Variants in BBS7 observed in about 807,000 individuals in gnomAD.
BBS7 encodes BBSome complex member BBS7.
In BBS7, 50 loss-of-function variants were observed where a neutral mutation model predicts 90.3. That is an observed-to-expected ratio of 0.55 (90% CI 0.44 to 0.70). BBS7 has a LOEUF of 0.70. Among genes scored for constraint, BBS7 ranks in the 30% least tolerant of loss-of-function variants. BBS7 has a pLI of 0.00. For synonymous variants in BBS7, 235 were observed against 287.4 expected, an observed-to-expected ratio of 0.82 and a Z score of 1.85; for missense variants, 729 against 838.9, an observed-to-expected ratio of 0.87 and a Z score of 1.62.
intron 1 of BBS7, among the ~76,000 whole-genome samples, chr4:121,868,914 T>C (rs1727437184): frequency 6.6e-6 from 1 of 152,060 alleles, no homozygotes; most frequent in Non-Finnish European, 1.5e-5. Flanking sequence ...GTTCATATAG[T>C]ATAAATGACT....
At chr4:121,852,721 TATA>T (rs758212458) in intron 8 of BBS7, among the ~76,000 whole-genome samples, 7 of 152,104 alleles carry the variant, frequency 4.6e-5, no homozygotes, top group African/African-American at 7.2e-5. Flanking sequence ...TTTAGAGACT[TATA>T]ATAATATTTT....
At chr4:121,847,953 CA>C (rs34425747) in intron 9 of BBS7, among the ~76,000 whole-genome samples, 5 of 148,962 alleles carry the variant, frequency 3.4e-5, no homozygotes, top group East Asian at 3.9e-4. Context: ...GACCCTGTCT[CA>C]AAAAAAAAGT....
intron 3 of BBS7, 39 bp downstream of exon 3, chr4:121,863,178 T>G (rs1560667793): frequency 6.3e-7 from 1 of 1,596,590 alleles, no homozygotes; most frequent in Non-Finnish European, 8.6e-7. Flanking sequence ...GCATTCTCTT[T>G]TAGAAAACCA....
intron 12 of BBS7, among the ~76,000 whole-genome samples, chr4:121,840,745 A>T (rs1725694517): frequency 6.6e-6 from 1 of 152,230 alleles, no homozygotes; most frequent in African/African-American, 2.4e-5. Context: ...AAGAAATAAA[A>T]AGGATGGTAA....
Position 121,870,397 on chromosome 4 carries a change from A to G in BBS7, c.-84T>C. The G allele has an allele frequency of 1.3e-6, 2 of 1,528,614 alleles. No homozygotes were observed. Among genetic ancestry groups the G allele is most frequent in the East Asian group, 2.3e-5 (1 of 44,040 alleles). 94.7% of individuals were successfully genotyped at this position (1,528,614 alleles called of 1,614,324 possible). A position where few individuals can be genotyped will look rare whatever the true frequency, so the allele number is the denominator to read the frequency against. The stretch of plus-strand genomic sequence containing the variant: ...GGGCCCGCAGGCCTCCGACCCAGTC[A>G]GAAGGCTGCCCGCGCCCCTCAAAAG... On this transcript the variant is annotated 5_prime_UTR_variant, in exon 1 of 19. Transcript: ENST00000264499.
rs748822476 is a variant in BBS7 at position 121,847,553 on chromosome 4, T to C, written c.935-47A>G. ...ACGCACCACTTAGTACTGCTAGTGT[T>C]AAAAAGATAAATTATGCATTGTATA... On this transcript the variant is annotated intron_variant, in intron 9 of 18. Coordinates refer to ENST00000264499, the MANE Select transcript of BBS7 (RefSeq NM_176824.3). 5 of 1,320,028 alleles carry C rather than the reference T, an allele frequency of 3.8e-6. No individual in the cohort carries two copies. The Admixed American group carries it at 8.4e-5, about 22-fold the overall frequency. The allele number at this position is 1,320,028 out of a possible 1,614,324, so 81.8% of individuals were successfully genotyped here. A position where few individuals can be genotyped will look rare whatever the true frequency, so the allele number is the denominator to read the frequency against.
chr4:121,865,160 T>C (rs1214984230), intron 2 of BBS7, among the ~76,000 whole-genome samples: 3 of 152,188 alleles, frequency 2.0e-5, no homozygotes, highest in Non-Finnish European at 4.4e-5. Context: ...CAACTTTCTG[T>C]TCCTGGCTTA....
rs563605502 is a variant in BBS7, at chr4:121,835,266, G to T, written c.1389C>A (p.Gly463=). 1 of 1,613,708 alleles carries T rather than the reference G, an allele frequency of 6.2e-7. No homozygotes were observed. Among genetic ancestry groups the T allele is most frequent in the Admixed American group, 1.7e-5 (1 of 59,966 alleles). Residue 463 remains glycine (G), a synonymous_variant, in exon 14 of 19, where the codon GGC becomes GGA. Transcript: ENST00000264499. The part of the protein sequence containing the change: ...RLELKIRSIE[G]QYGTLQAYVT... ...CATATGCTTGTAGTGTGCCATACTG[G>T]CCTTCAATTGAGCGAATCTGATTCA...
rs1353545891 is a variant in BBS7 at position 121,825,691 on chromosome 4, T to C, written c.*169A>G. 1.3e-5 allele frequency: 7 copies of C among 542,670 alleles called. No individual in the cohort carries two copies. The highest frequency in any genetic ancestry group is 1.2e-4 in the African/African-American group (6 of 51,526). The allele number at this position is 542,670 out of a possible 1,614,324, so 33.6% of individuals were successfully genotyped here. A position where few individuals can be genotyped will look rare whatever the true frequency, so the allele number is the denominator to read the frequency against. ...ACTCTTTTAGTTTTAGAAAGTTCAATTTGTCAAAAGAAATAGAAGCATTAC... is the reference window on the plus strand; with the variant it reads ...ACTCTTTTAGTTTTAGAAAGTTCAACTTGTCAAAAGAAATAGAAGCATTAC... On this transcript the variant is annotated 3_prime_UTR_variant, in exon 19 of 19. Coordinates refer to ENST00000264499, the MANE Select transcript of BBS7 (RefSeq NM_176824.3).
intron 2 of BBS7, among the ~76,000 whole-genome samples, chr4:121,866,047 C>G (rs1020377673): frequency 1.3e-5 from 2 of 151,832 alleles, no homozygotes; most frequent in Non-Finnish European, 2.9e-5. Context: ...GATCATTTGC[C>G]CACTTTTTAA....
At chr4:121,846,833 G>C (rs1726033659) in intron 10 of BBS7, among the ~76,000 whole-genome samples, 1 of 152,170 alleles carries the variant, frequency 6.6e-6, no homozygotes, top group African/African-American at 2.4e-5. Flanking sequence ...GAAATGGGGA[G>C]AGCAGTCATT....
intron 5 of BBS7, 107 bp from the exon 6 acceptor site, chr4:121,855,668 A>T: frequency 9.7e-7 from 1 of 1,028,930 alleles, no homozygotes; most frequent in Non-Finnish European, 1.5e-6. Flanking sequence ...TAACACCTAG[A>T]ATAAAATTGC....
At chr4:121,829,154 A>C (rs1053202455) in intron 15 of BBS7, among the ~76,000 whole-genome samples, 9 of 152,168 alleles carry the variant, frequency 5.9e-5, no homozygotes, top group African/African-American at 2.2e-4. Flanking sequence ...GAAATCTGAT[A>C]TCAAATATGA....
At position 121,834,208 on chromosome 4, in the gene BBS7, T is replaced by C. The variant is rs1209898529; in HGVS notation, c.1512-813A>G. Among the ~76,000 whole-genome samples, 7 of 152,314 alleles carry C rather than the reference T, an allele frequency of 4.6e-5. 1 individual carries two copies. In the East Asian group the frequency reaches 1.2e-3, roughly 25 times the overall value. ...TCGGACCAATCCTGTCATTTGCAGA[T>C]GAAAAAACTAAAACCTAGAGGCTAA... is the stretch of plus-strand genomic sequence containing the variant. On this transcript the variant is annotated intron_variant, in intron 14 of 18. Coordinates refer to ENST00000264499, the MANE Select transcript of BBS7 (RefSeq NM_176824.3).
Position 121,848,914 on chromosome 4 carries a change from G to C in BBS7, c.864C>G (p.Ser288Arg). 1 of 1,613,644 alleles carries C rather than the reference G, an allele frequency of 6.2e-7. No homozygotes were observed. The change falls in exon 9 of 19, where the codon AGC becomes AGG. Residue 288 changes from serine (S) to arginine (R), a missense_variant. By Grantham distance (110) the Ser-to-Arg change is moderately radical (BLOSUM62 -1). Transcript: ENST00000264499. ...CACAACCACCCTGGATAGATGTGAC[G>C]CTTTCAGACAACATCTAAAAAAGTT... ...VLRFDQMLSE[S>R]VTSIQGGCVG...
chr4:121,867,929 T>G, intron 2 of BBS7, 52 bp downstream of exon 2: 1 of 1,415,576 alleles, frequency 7.1e-7, no homozygotes, highest in Non-Finnish European at 1.0e-6. Context: ...AATAGGAGCC[T>G]CTCCTCTGTC....
chr4:121,867,774 A>C (rs1727367744), intron 2 of BBS7, among the ~76,000 whole-genome samples: 1 of 152,200 alleles, frequency 6.6e-6, no homozygotes, highest in Admixed American at 6.5e-5. Flanking sequence ...TACACTGTTT[A>C]CTAATGGTAT....
intron 18 of BBS7, 64 bp from the exon 19 acceptor site, chr4:121,826,057 C>G: frequency 2.3e-6 from 3 of 1,329,158 alleles, no homozygotes; most frequent in Non-Finnish European, 2.1e-6. Flanking sequence ...CAGTATTTCA[C>G]TAAAGTAATT....
chr4:121,864,239 C>G (rs1374892094), intron 2 of BBS7, among the ~76,000 whole-genome samples: 1 of 152,222 alleles, frequency 6.6e-6, no homozygotes, highest in Admixed American at 6.5e-5. Context: ...GAAACTACTA[C>G]TTATCAAGTT....
Sources: allele counts gnomAD v4.1 joint callset (sites outside exome capture counted in the v4.1 genomes callset), GRCh38; gene constraint gnomAD v4.1.1; transcripts MANE v1.5; gene names NCBI Gene and HGNC (gene_info 2026-07-23, HGNC 2026-07-21).